Variants in GUCY1A2 observed in about 807,000 individuals in gnomAD.
The protein encoded by GUCY1A2 is guanylate cyclase 1 soluble subunit alpha 2.
Under a neutral mutation model 63.5 loss-of-function variants are expected in GUCY1A2, and 27 were observed. The ratio of observed to expected loss-of-function variants is 0.43; its 90% confidence interval spans 0.31 to 0.59. The LOEUF is 0.59. GUCY1A2 is among the 20% of genes least tolerant of loss of function. The pLI is 0.11. For synonymous variants in GUCY1A2, 364 were observed against 343.5 expected, an observed-to-expected ratio of 1.06 and a Z score of -0.66; for missense variants, 768 against 913.3, an observed-to-expected ratio of 0.84 and a Z score of 2.05.
intron 4 of GUCY1A2, among the ~76,000 whole-genome samples, chr11:106,926,443 CAAAAA>C (rs1312188621): frequency 1.2e-5 from 1 of 84,018 alleles, no homozygotes; most frequent in Non-Finnish European, 2.4e-5. Flanking sequence ...ATCTCTGTCT[CAAAAA>C]AAAAAAAAAA....
chr11:106,796,374 G>A (rs4265566), intron 5 of GUCY1A2, among the ~76,000 whole-genome samples: 24,732 of 152,154 alleles, frequency 0.16, 2,412 homozygotes, highest in East Asian at 0.28. Context: ...TATTTTGCTC[G>A]TTAGTTGCTG....
intron 4 of GUCY1A2, among the ~76,000 whole-genome samples, chr11:106,927,770 C>T (rs1565334360): frequency 6.6e-6 from 1 of 151,348 alleles, no homozygotes; most frequent in Non-Finnish European, 1.5e-5. Context: ...CACGGGGTTT[C>T]ACCATGTTAG....
chr11:106,933,684 G>A (rs1860636211), intron 4 of GUCY1A2, among the ~76,000 whole-genome samples: 1 of 152,162 alleles, frequency 6.6e-6, no homozygotes, highest in Non-Finnish European at 1.5e-5. Flanking sequence ...CGAAGACAGG[G>A]AATCAACCCA....
intron 4 of GUCY1A2, chr11:106,827,541 T>G: frequency 6.8e-7 from 1 of 1,465,830 alleles, no homozygotes; most frequent in South Asian, 1.1e-5. Context: ...ATATCAACTT[T>G]GGTTTAGCTC....
intron 6 of GUCY1A2, among the ~76,000 whole-genome samples, chr11:106,726,693 G>T (rs918678908): frequency 2.0e-5 from 3 of 152,132 alleles, no homozygotes; most frequent in Non-Finnish European, 4.4e-5. Flanking sequence ...TGACTGACTG[G>T]ATATTAAAGA....
chr11:106,760,755 T>C (rs1197148187), intron 6 of GUCY1A2, among the ~76,000 whole-genome samples: 1 of 152,108 alleles, frequency 6.6e-6, no homozygotes, highest in African/African-American at 2.4e-5. Flanking sequence ...TTTTACAAGC[T>C]AACAAATAAC....
intron 4 of GUCY1A2, among the ~76,000 whole-genome samples, chr11:106,913,138 TA>T (rs1860318774): frequency 1.3e-5 from 2 of 152,030 alleles, no homozygotes; most frequent in African/African-American, 4.8e-5. Flanking sequence ...TATATATATA[TA>T]TATAAAAGCA....
At chr11:106,793,695 C>T (rs1054882994) in intron 5 of GUCY1A2, among the ~76,000 whole-genome samples, 6 of 151,826 alleles carry the variant, frequency 4.0e-5, no homozygotes, top group African/African-American at 1.5e-4. Flanking sequence ...GAACAAAGGA[C>T]CTGAATAAAC....
chr11:106,934,504 A>G (rs1479178896), intron 4 of GUCY1A2, among the ~76,000 whole-genome samples: 1 of 152,188 alleles, frequency 6.6e-6, no homozygotes, highest in African/African-American at 2.4e-5. Context: ...AAAACTTTTC[A>G]ATCATCGCCT....
intron 3 of GUCY1A2, among the ~76,000 whole-genome samples, chr11:106,942,025 G>A (rs562395872): frequency 4.6e-5 from 7 of 152,136 alleles, no homozygotes; most frequent in Non-Finnish European, 1.0e-4. Context: ...TAACAATAAT[G>A]TCAGCCAGAA....
At chr11:106,730,755 T>C (rs1433257973) in intron 6 of GUCY1A2, among the ~76,000 whole-genome samples, 2 of 152,120 alleles carry the variant, frequency 1.3e-5, no homozygotes, top group Admixed American at 1.3e-4. Context: ...CATTCGTTTT[T>C]CTCCACAACC....
intron 3 of GUCY1A2, among the ~76,000 whole-genome samples, chr11:106,948,887 A>G (rs1175872437): frequency 6.6e-6 from 1 of 152,172 alleles, no homozygotes; most frequent in Non-Finnish European, 1.5e-5. Context: ...ATCAAATTCC[A>G]GATCAATTAA....
intron 4 of GUCY1A2, among the ~76,000 whole-genome samples, chr11:106,916,689 C>T (rs1565330705): frequency 1.4e-5 from 2 of 145,190 alleles, no homozygotes; most frequent in Admixed American, 6.9e-5. Flanking sequence ...AGCCAATTAG[C>T]GTAGCAGGGT....
chr11:106,799,203 C>T (rs985904495), intron 5 of GUCY1A2, among the ~76,000 whole-genome samples: 1 of 152,082 alleles, frequency 6.6e-6, no homozygotes, highest in African/African-American at 2.4e-5. Flanking sequence ...TATGAAGGAC[C>T]TCTTGAAGGA....
intron 4 of GUCY1A2, among the ~76,000 whole-genome samples, chr11:106,871,700 T>C (rs1198584998): frequency 1.3e-5 from 2 of 152,152 alleles, no homozygotes; most frequent in Non-Finnish European, 2.9e-5. Flanking sequence ...AATGGACATA[T>C]TTCTGGGACT....
intron 4 of GUCY1A2, among the ~76,000 whole-genome samples, chr11:106,920,744 T>C (rs1459439145): frequency 2.6e-5 from 4 of 152,078 alleles, no homozygotes; most frequent in Admixed American, 6.6e-5. Context: ...CAGCAGAAAA[T>C]TAAGTTGTTG....
chr11:106,963,337 C>T (rs957462025), intron 3 of GUCY1A2, among the ~76,000 whole-genome samples: 11 of 152,084 alleles, frequency 7.2e-5, no homozygotes, highest in Non-Finnish European at 1.0e-4. Flanking sequence ...GCTACATGTC[C>T]GTGTATAGAT....
chr11:106,933,854 G>A (rs1591333240), intron 4 of GUCY1A2, among the ~76,000 whole-genome samples: 1 of 152,008 alleles, frequency 6.6e-6, no homozygotes, highest in African/African-American at 2.4e-5. Flanking sequence ...ACACAGGAAC[G>A]GAAAACCAAA....
intron 5 of GUCY1A2, among the ~76,000 whole-genome samples, chr11:106,800,202 C>T (rs1026910978): frequency 6.6e-6 from 1 of 152,142 alleles, no homozygotes; most frequent in African/African-American, 2.4e-5. Context: ...CATCTCATAC[C>T]AGTTAGAATG....
Sources: gnomAD v4.1 joint callset for allele counts (sites outside exome capture counted in the v4.1 genomes callset) on GRCh38, gnomAD v4.1.1 for gene constraint, MANE v1.5 for transcripts, NCBI Gene and HGNC (gene_info 2026-07-23, HGNC 2026-07-21) for gene names.